Variants in TRAF3 observed in about 807,000 individuals in gnomAD.
The protein encoded by TRAF3 is TNF receptor associated factor 3.
In TRAF3, 13 loss-of-function variants were observed where a neutral mutation model predicts 62.3. The observed-to-expected ratio is 0.21, with a 90% confidence interval of 0.14 to 0.33. The LOEUF (loss-of-function observed/expected upper bound fraction) is 0.33, where lower values mean the gene tolerates loss of function less well. Among genes scored for constraint, TRAF3 ranks in the 10% least tolerant of loss-of-function variants. TRAF3 has a pLI of 1.00. For synonymous variants in TRAF3, 269 were observed against 283.4 expected (o/e 0.95, Z 0.51); for missense variants, 440 against 741.8 (o/e 0.59, Z 4.73).
At chr14:102,847,285 C>T (rs1027279035) in intron 2 of TRAF3, among the ~76,000 whole-genome samples, 4 of 152,172 alleles carry the variant, frequency 2.6e-5, no homozygotes, top group African/African-American at 9.7e-5. Context: ...AACTATTCTC[C>T]TGCCTTAGCC....
rs879267625 is a variant in TRAF3, at chr14:102,808,822, CT to C, written c.-156-21499del. ...TGTCTTGAGCATGGTGATAGATTGACTTTTTTTTTTTTTAAGACAGTCTTAC... is the reference window on the plus strand; with the variant it reads ...TGTCTTGAGCATGGTGATAGATTGACTTTTTTTTTTTTAAGACAGTCTTAC... On this transcript the variant is annotated intron_variant, in intron 1 of 11. Coordinates refer to ENST00000392745, the MANE Select transcript of TRAF3 (RefSeq NM_145725.3). Among the ~76,000 whole-genome samples the C allele has an allele frequency of 2.5e-3, 353 of 143,964 alleles. 2 individuals are homozygous for C. The highest frequency in any genetic ancestry group is 0.011 in the Middle Eastern group (3 of 276). 94.4% of individuals were successfully genotyped at this position (143,964 alleles called of 152,430 possible).
chr14:102,875,289 C>T (rs1450018188), intron 4 of TRAF3, among the ~76,000 whole-genome samples: 4 of 152,190 alleles, frequency 2.6e-5, no homozygotes, highest in Non-Finnish European at 5.9e-5. Flanking sequence ...TGAATGTGAA[C>T]CTGGTCCTCC....
At chr14:102,856,207 A>G (rs1284386783) in intron 2 of TRAF3, among the ~76,000 whole-genome samples, 5 of 152,310 alleles carry the variant, frequency 3.3e-5, no homozygotes, top group East Asian at 1.9e-4. Flanking sequence ...AAGTTTATTA[A>G]GAAAGCAAAG....
intron 1 of TRAF3, among the ~76,000 whole-genome samples, chr14:102,809,632 A>C (rs1899003162): frequency 7.0e-6 from 1 of 143,590 alleles, no homozygotes; most frequent in Admixed American, 7.4e-5. Flanking sequence ...TCCCAGGTTC[A>C]TGCTATTCTC....
In TRAF3 at chr14:102,870,455, C is replaced by T. The variant is rs925350104; in HGVS notation, c.245+9C>T. 2 of 1,609,108 alleles carry T rather than the reference C, an allele frequency of 1.2e-6. No individual in the cohort carries two copies. Among genetic ancestry groups the T allele is most frequent in the Non-Finnish European group, 8.5e-7 (1 of 1,179,604 alleles). On this transcript the variant is annotated intron_variant, in intron 3 of 11. Coordinates refer to ENST00000392745, the MANE Select transcript of TRAF3 (RefSeq NM_145725.3). ...ATGGCGGCCCTGCTGAGGTAGGCGC[C>T]CTCGCCCGGCCCGTCGCCCGGCCCC...
intron 2 of TRAF3, among the ~76,000 whole-genome samples, chr14:102,851,769 G>A (rs1167442815): frequency 6.6e-6 from 1 of 151,908 alleles, no homozygotes; most frequent in Non-Finnish European, 1.5e-5. Flanking sequence ...ATCATCACAG[G>A]CCTCGTGGGT....
intron 6 of TRAF3, among the ~76,000 whole-genome samples, chr14:102,885,506 A>G (rs1001718628): frequency 1.3e-5 from 2 of 152,132 alleles, no homozygotes; most frequent in African/African-American, 4.8e-5. Flanking sequence ...TGCTCTGCTC[A>G]TGGACAGGCA....
At chr14:102,823,000 C>A (rs2139589180) in intron 1 of TRAF3, among the ~76,000 whole-genome samples, 1 of 145,302 alleles carries the variant, frequency 6.9e-6, no homozygotes, top group South Asian at 2.1e-4. Context: ...GAGTGAAACT[C>A]CATCTCAAAA....
In TRAF3 at chr14:102,838,868, T is replaced by C. The variant is rs573410127; in HGVS notation, c.-18+8396T>C. Among the ~76,000 whole-genome samples the C allele has an allele frequency of 3.9e-5, 6 of 152,328 alleles. No homozygotes were observed. The East Asian group carries it at 9.6e-4, about 24-fold the overall frequency. On this transcript the variant is annotated intron_variant, in intron 2 of 11. Transcript: ENST00000392745. Reference sequence around the variant, plus strand: ...AATTCCATGAGTTCTAGACAATTTCTTCATGATAATTACCCCCTTAAATTT... The same window carrying C: ...AATTCCATGAGTTCTAGACAATTTCCTCATGATAATTACCCCCTTAAATTT...
At chr14:102,848,903 C>T (rs1886874338) in intron 2 of TRAF3, among the ~76,000 whole-genome samples, 1 of 152,164 alleles carries the variant, frequency 6.6e-6, no homozygotes, top group Non-Finnish European at 1.5e-5. Flanking sequence ...GCGTGATGCC[C>T]TCACCAGGAG....
chr14:102,903,605 G>C lies in TRAF3; in HGVS notation c.1135+176G>C. The C allele has an allele frequency of 1.0e-6, 1 of 965,458 alleles. No individual in the cohort carries two copies. The highest frequency in any genetic ancestry group is 1.6e-6 in the Non-Finnish European group (1 of 626,888). The allele number at this position is 965,458 out of a possible 1,614,324, so 59.8% of individuals were successfully genotyped here. A position where few individuals can be genotyped will look rare whatever the true frequency, so the allele number is the denominator to read the frequency against. On this transcript the variant is annotated intron_variant, in intron 11 of 11. Transcript: ENST00000392745. This position sits in a 1 kb window ranked among gnomAD's most constrained non-coding sequence, Gnocchi z 6.4. ...TTCCTACTGAAAGTCCCCCAGCAAA[G>C]ACAAACGTTTCCCGCGCAGGCTTGT... is the stretch of plus-strand genomic sequence containing the variant.
chr14:102,790,040 C>T (rs1897713837), intron 1 of TRAF3, among the ~76,000 whole-genome samples: 1 of 152,076 alleles, frequency 6.6e-6, no homozygotes, highest in Non-Finnish European at 1.5e-5. Context: ...GTTGCACAGG[C>T]TGGTCTAGAA....
rs1387576891 is a variant in TRAF3, at chr14:102,876,340, G to A, written c.403-18G>A. The A allele has an allele frequency of 6.2e-7, 1 of 1,613,562 alleles. No individual in the cohort carries two copies. Among genetic ancestry groups the A allele is most frequent in the Non-Finnish European group, 8.5e-7 (1 of 1,179,628 alleles). ...GGTTTTTTTCCCAATTAAGAACATT[G>A]AATGGTCTGTCTTACAGGTGCATTT... is the stretch of plus-strand genomic sequence containing the variant. On this transcript the variant is annotated intron_variant, in intron 5 of 11. Transcript: ENST00000392745.
chr14:102,825,641 A>G (rs943260016), intron 1 of TRAF3, among the ~76,000 whole-genome samples: 2 of 152,250 alleles, frequency 1.3e-5, no homozygotes, highest in African/African-American at 4.8e-5. Context: ...TCAGCGTCAC[A>G]GGACGGACAG....
chr14:102,795,192 C>T (rs183466542), intron 1 of TRAF3, among the ~76,000 whole-genome samples: 2 of 152,188 alleles, frequency 1.3e-5, no homozygotes, highest in East Asian at 3.9e-4. Flanking sequence ...CACATAGAAA[C>T]CCTGCCTCCC....
chr14:102,895,870 TC>T (rs1402570733), intron 9 of TRAF3, among the ~76,000 whole-genome samples: 5 of 152,180 alleles, frequency 3.3e-5, no homozygotes, highest in Non-Finnish European at 7.3e-5. Flanking sequence ...CTTCTGCGCT[TC>T]CGTGGAAGGG....
In TRAF3 at chr14:102,826,517, C is replaced by T. The variant is rs768445512; in HGVS notation, c.-156-3817C>T. On this transcript the variant is annotated intron_variant, in intron 1 of 11. Transcript: ENST00000392745. This position sits in a 1 kb window ranked among gnomAD's most constrained non-coding sequence, Gnocchi z 4.6. ...GGGGTGGGAAGGGAGTCAGTGAAGACGTCCTGGAGGAGAAGATTCCAGAGC... is the reference window on the plus strand; with the variant it reads ...GGGGTGGGAAGGGAGTCAGTGAAGATGTCCTGGAGGAGAAGATTCCAGAGC... 3.3e-5 allele frequency among the ~76,000 whole-genome samples: 5 copies of T among 152,066 alleles called. No individual in the cohort carries two copies. The highest frequency in any genetic ancestry group is 6.5e-5 in the Admixed American group (1 of 15,274).
intron 1 of TRAF3, among the ~76,000 whole-genome samples, chr14:102,814,966 C>T (rs1899425887): frequency 6.6e-6 from 1 of 152,162 alleles, no homozygotes; most frequent in Admixed American, 6.5e-5. Context: ...GACAGAATCT[C>T]GCACTGTTGG....
At chr14:102,839,385 A>AT (rs1254365510) in intron 2 of TRAF3, among the ~76,000 whole-genome samples, 3 of 151,826 alleles carry the variant, frequency 2.0e-5, no homozygotes, top group Non-Finnish European at 4.4e-5. Flanking sequence ...CTTCTGGCTG[A>AT]TTTTTTGTAT....
Sources: allele counts gnomAD v4.1 joint callset (sites outside exome capture counted in the v4.1 genomes callset), GRCh38; gene constraint gnomAD v4.1.1; non-coding constraint Gnocchi (gnomAD v3.1); transcripts MANE v1.5; gene names NCBI Gene and HGNC (gene_info 2026-07-23, HGNC 2026-07-21).